Variants in CALU observed in about 807,000 individuals in gnomAD.
CALU encodes the protein calumenin.
CALU carries 13 observed loss-of-function variants against 37.5 expected under a neutral mutation model. That is an observed-to-expected ratio of 0.35 (90% CI 0.23 to 0.55). The LOEUF (loss-of-function observed/expected upper bound fraction) is 0.55. Ranked by LOEUF, CALU falls within the 20% of genes least tolerant of loss-of-function variation. The pLI is 0.89. For synonymous variants in CALU, 114 were observed against 133.8 expected, an observed-to-expected ratio of 0.85 and a Z score of 1.02; for missense variants, 282 against 391.7, an observed-to-expected ratio of 0.72 and a Z score of 2.36.
rs1017152521 is a variant in CALU, at chr7:128,772,764, C to G, written c.*3597C>G. Reference sequence around the variant, plus strand: ...AAAGCCTTGCACAATGCTTTGTACCCAGAATGCCCTTAGGTGGTTTTGAAT... The same window carrying G: ...AAAGCCTTGCACAATGCTTTGTACCGAGAATGCCCTTAGGTGGTTTTGAAT... On this transcript the variant is annotated 3_prime_UTR_variant, in exon 7 of 7. Coordinates refer to ENST00000249364, the MANE Select transcript of CALU (RefSeq NM_001219.5). 8 of 1,479,912 alleles carry G rather than the reference C, an allele frequency of 5.4e-6. No homozygotes were observed. The African/African-American group carries it at 9.7e-5, about 18-fold the overall frequency. 91.7% of individuals were successfully genotyped at this position (1,479,912 alleles called of 1,614,324 possible). A position where few individuals can be genotyped will look rare whatever the true frequency, so the allele number is the denominator to read the frequency against.
At chr7:128,749,459 T>C (rs959687732) in intron 2 of CALU, among the ~76,000 whole-genome samples, 3 of 152,222 alleles carry the variant, frequency 2.0e-5, no homozygotes, top group Non-Finnish European at 2.9e-5. Flanking sequence ...TTATTTCTAA[T>C]TGGGGATCTG....
chr7:128,767,923 A>G (rs943771073), intron 6 of CALU, among the ~76,000 whole-genome samples: 3 of 152,138 alleles, frequency 2.0e-5, no homozygotes, highest in African/African-American at 7.2e-5. Flanking sequence ...CCCAGCATGC[A>G]TCATCAGGTA....
rs1326289965 is a variant in CALU, at chr7:128,772,252, G to A, written c.*3085G>A. Among the ~76,000 whole-genome samples the A allele has an allele frequency of 4.6e-5, 7 of 151,810 alleles. No individual in the cohort carries two copies. The highest frequency in any genetic ancestry group is 7.4e-5 in the Non-Finnish European group (5 of 67,974). ...AAGCATATTCCTTTTTGGTTGCCTT[G>A]TATGTAGAAATCAGTTCTCCAAGTG... On this transcript the variant is annotated 3_prime_UTR_variant, in exon 7 of 7. Coordinates refer to ENST00000249364, the MANE Select transcript of CALU (RefSeq NM_001219.5).
chr7:128,752,789 A>G (rs11767254), intron 2 of CALU, among the ~76,000 whole-genome samples: 42,169 of 152,044 alleles, frequency 0.28, 6,877 homozygotes, highest in Non-Finnish European at 0.38. Flanking sequence ...GGTTCAAGAG[A>G]TTCTCCTGCC....
At chr7:128,755,726 T>C (rs145757467) in intron 3 of CALU, among the ~76,000 whole-genome samples, 1 of 152,292 alleles carries the variant, frequency 6.6e-6, no homozygotes, top group Non-Finnish European at 1.5e-5. Flanking sequence ...TCTTATTGAG[T>C]TGATGATCCA....
rs193004004 is a variant in CALU, at chr7:128,762,567, A to G, written c.643+2715A>G. ...AAGCCCCATCAGTGCCTGTGGAAAC[A>G]TAGGGAAAGAAAAAAAAAAACACCC... On this transcript the variant is annotated intron_variant, in intron 5 of 6. Transcript: ENST00000249364. Among the ~76,000 whole-genome samples, 20 of 151,746 alleles carry G rather than the reference A, an allele frequency of 1.3e-4. 1 individual carries two copies. The East Asian group carries it at 2.5e-3, about 19-fold the overall frequency.
intron 2 of CALU, among the ~76,000 whole-genome samples, chr7:128,754,003 C>T (rs1800772410): frequency 6.6e-6 from 1 of 152,192 alleles, no homozygotes; most frequent in Non-Finnish European, 1.5e-5. Flanking sequence ...TGAATTCTAA[C>T]CATAGGCTGA....
chr7:128,767,486 A>G lies in CALU; in HGVS notation c.674A>G (p.Asp225Gly), dbSNP rs986612946. The change falls in exon 6 of 7, where the codon GAT becomes GGT. Residue 225 changes from aspartate (D) to glycine (G), a missense_variant. Transcript: ENST00000249364. ...GDMYSHDGNT[D>G]EPEWVKTERE... ...ATGTACAGCCATGATGGGAATACTG[A>G]TGAGCCAGAATGGGTAAAGACAGAG... The G allele has an allele frequency of 1.2e-6, 2 of 1,613,956 alleles. No individual in the cohort carries two copies. Among genetic ancestry groups the G allele is most frequent in the Non-Finnish European group, 8.5e-7 (1 of 1,179,894 alleles).
At position 128,772,006 on chromosome 7, in the gene CALU, G is replaced by A. The variant is rs1452256438; in HGVS notation, c.*2839G>A. On this transcript the variant is annotated 3_prime_UTR_variant, in exon 7 of 7. Coordinates refer to ENST00000249364, the MANE Select transcript of CALU (RefSeq NM_001219.5). Reference sequence around the variant, plus strand: ...GGACATGGCTGTTCCTGCCAAAGCTGTAGCAGTTATCCAAAAGTTCTTTCA... The same window carrying A: ...GGACATGGCTGTTCCTGCCAAAGCTATAGCAGTTATCCAAAAGTTCTTTCA... 6.6e-6 allele frequency among the ~76,000 whole-genome samples: 1 copy of A among 151,836 alleles called. No individual in the cohort carries two copies. The highest frequency in any genetic ancestry group is 1.5e-5 in the Non-Finnish European group (1 of 67,984).
rs1227183917 is a variant in CALU, at chr7:128,769,811, G to A, written c.*644G>A. 1 of 152,214 alleles carries A rather than the reference G, an allele frequency of 6.6e-6. No homozygotes were observed. Among genetic ancestry groups the A allele is most frequent in the African/African-American group, 2.4e-5 (1 of 41,438 alleles). 9.4% of individuals were successfully genotyped at this position (152,214 alleles called of 1,614,324 possible). Reference sequence around the variant, plus strand: ...AATTGATTTTCTTCTTTTTCCCCCTGTAGGACTGACTGTTGGCTAATTTTG... The same window carrying A: ...AATTGATTTTCTTCTTTTTCCCCCTATAGGACTGACTGTTGGCTAATTTTG... On this transcript the variant is annotated 3_prime_UTR_variant, in exon 7 of 7. Transcript: ENST00000249364.
chr7:128,750,628 A>C (rs539384866), intron 2 of CALU, among the ~76,000 whole-genome samples: 1 of 152,244 alleles, frequency 6.6e-6, no homozygotes, highest in Non-Finnish European at 1.5e-5. Flanking sequence ...TACTTTATAC[A>C]GTAACATACG....
rs1801621408 is a variant in CALU at position 128,772,470 on chromosome 7, G to A, written c.*3303G>A. 9 of 1,582,214 alleles carry A rather than the reference G, an allele frequency of 5.7e-6. No individual in the cohort carries two copies. The highest frequency in any genetic ancestry group is 3.3e-5 in the South Asian group (3 of 89,902). On this transcript the variant is annotated 3_prime_UTR_variant, in exon 7 of 7. Transcript: ENST00000249364. ...TGTTTTTAGTAGTTTGGTTTCTGACGGAGACAATAGAAACTTACTTAAAAG... is the reference window on the plus strand; with the variant it reads ...TGTTTTTAGTAGTTTGGTTTCTGACAGAGACAATAGAAACTTACTTAAAAG...
At chr7:128,759,732 C>T in intron 4 of CALU, 60 bp from the exon 5 acceptor site, 1 of 874,378 alleles carries the variant, frequency 1.1e-6, no homozygotes, top group Non-Finnish European at 1.9e-6. Flanking sequence ...AGATACTTTA[C>T]TTTCTTCTGG....
In CALU at chr7:128,769,368, A is replaced by C; in HGVS notation, c.*201A>C. 1 of 445,126 alleles carries C rather than the reference A, an allele frequency of 2.2e-6. No individual in the cohort carries two copies. The highest frequency in any genetic ancestry group is 4.0e-6 in the Non-Finnish European group (1 of 248,034). The allele number at this position is 445,126 out of a possible 1,614,324, so 27.6% of individuals were successfully genotyped here. The stretch of plus-strand genomic sequence containing the variant: ...GTGCTTCTGAGGAACAACTCTAATT[A>C]GTACACTTGTGTTTGTAGATTTACA... On this transcript the variant is annotated 3_prime_UTR_variant, in exon 7 of 7. Coordinates refer to ENST00000249364, the MANE Select transcript of CALU (RefSeq NM_001219.5).
At chr7:128,754,631 T>C in intron 3 of CALU, 176 bp downstream of exon 3, 1 of 1,552,040 alleles carries the variant, frequency 6.4e-7, no homozygotes, top group Non-Finnish European at 8.7e-7. Context: ...TATATGACAA[T>C]GTTGAAAACC....
intron 3 of CALU, among the ~76,000 whole-genome samples, chr7:128,755,010 T>C (rs967611727): frequency 2.0e-5 from 3 of 151,950 alleles, no homozygotes; most frequent in Non-Finnish European, 4.4e-5. Context: ...GTAGATTTCA[T>C]TTAAAAGAAT....
chr7:128,765,206 G>C (rs1420033422), intron 5 of CALU, among the ~76,000 whole-genome samples: 1 of 151,798 alleles, frequency 6.6e-6, no homozygotes, highest in Admixed American at 6.6e-5. Flanking sequence ...TCAGCCACCC[G>C]ACCTCCTGTT....
At chr7:128,765,343 C>T (rs1007516037) in intron 5 of CALU, among the ~76,000 whole-genome samples, 2 of 152,186 alleles carry the variant, frequency 1.3e-5, no homozygotes, top group Non-Finnish European at 2.9e-5. Context: ...GCCTCAGCCT[C>T]CCGAGTAGCT....
In CALU at chr7:128,757,562, A is replaced by G. The variant is rs73467161; in HGVS notation, c.416-1309A>G. Among the ~76,000 whole-genome samples the G allele has an allele frequency of 8.3e-3, 1,265 of 152,340 alleles. 10 individuals are homozygous for G. Among genetic ancestry groups the G allele is most frequent in the African/African-American group, 0.027 (1,136 of 41,566 alleles). Reference sequence around the variant, plus strand: ...GAAAGACTGAACAATCTCAAAGGTCAGCAGTAATGATGTTATTCTTAAAGG... The same window carrying G: ...GAAAGACTGAACAATCTCAAAGGTCGGCAGTAATGATGTTATTCTTAAAGG... On this transcript the variant is annotated intron_variant, in intron 3 of 6. Coordinates refer to ENST00000249364, the MANE Select transcript of CALU (RefSeq NM_001219.5).
Sources: allele counts gnomAD v4.1 joint callset (sites outside exome capture counted in the v4.1 genomes callset), GRCh38; gene constraint gnomAD v4.1.1; transcripts MANE v1.5; gene names NCBI Gene and HGNC (gene_info 2026-07-23, HGNC 2026-07-21).